The following ZSWIM5 variants were observed in gnomAD, a reference collection of about 807,000 sequenced individuals.
ZSWIM5 encodes the protein zinc finger SWIM domain-containing protein 5.
A neutral mutation model predicts 119.6 loss-of-function variants in ZSWIM5; 55 were observed. The ratio of observed to expected loss-of-function variants is 0.46; its 90% CI spans 0.37 to 0.58. The LOEUF (loss-of-function observed/expected upper bound fraction) is 0.58, where lower values mean the gene tolerates loss of function less well. ZSWIM5 is among the 20% of genes least tolerant of loss of function. ZSWIM5 has a pLI of 0.00. For missense variants in ZSWIM5, 1,193 were observed against 1,512.8 expected (o/e 0.79, Z 3.51); for synonymous variants, 537 against 606.9 (o/e 0.88, Z 1.69).
chr1:45,158,060 A>G (rs1009490235), intron 1 of ZSWIM5, among the ~76,000 whole-genome samples: 5 of 152,158 alleles, frequency 3.3e-5, no homozygotes, highest in African/African-American at 1.2e-4. Flanking sequence ...CTTAAATACC[A>G]ATTTCTTGTC....
At chr1:45,036,542 G>T (rs1421540933) in intron 8 of ZSWIM5, among the ~76,000 whole-genome samples, 2 of 151,576 alleles carry the variant, frequency 1.3e-5, no homozygotes, top group Non-Finnish European at 2.9e-5. Context: ...TTTAGTAGAG[G>T]GGCGGTTTCA....
intron 10 of ZSWIM5, among the ~76,000 whole-genome samples, chr1:45,035,401 A>G (rs1397907108): frequency 6.6e-6 from 1 of 152,060 alleles, no homozygotes; most frequent in Non-Finnish European, 1.5e-5. Context: ...CTGAATAACC[A>G]CTGAACAGGA....
intron 1 of ZSWIM5, among the ~76,000 whole-genome samples, chr1:45,161,786 T>C (rs1352963644): frequency 6.6e-6 from 1 of 152,222 alleles, no homozygotes; most frequent in Non-Finnish European, 1.5e-5. Flanking sequence ...ACCTTATGCC[T>C]ATAGGAACTT....
At chr1:45,064,109 C>T (rs1436387754) in intron 2 of ZSWIM5, among the ~76,000 whole-genome samples, 3 of 152,312 alleles carry the variant, frequency 2.0e-5, no homozygotes, top group South Asian at 2.1e-4. Flanking sequence ...GCCATATACT[C>T]CATTGCCACC....
chr1:45,161,413 A>C (rs1463137351), intron 1 of ZSWIM5, among the ~76,000 whole-genome samples: 4 of 152,190 alleles, frequency 2.6e-5, no homozygotes, highest in Non-Finnish European at 5.9e-5. Flanking sequence ...CCTTGCAAGC[A>C]TCTGTTATTT....
intron 1 of ZSWIM5, among the ~76,000 whole-genome samples, chr1:45,175,761 A>G (rs1645976487): frequency 6.6e-6 from 1 of 151,916 alleles, no homozygotes; most frequent in Admixed American, 6.6e-5. Context: ...CTTTAAAAAA[A>G]AAAAACCATT....
At chr1:45,080,529 C>T (rs775786418) in intron 2 of ZSWIM5, among the ~76,000 whole-genome samples, 5 of 152,160 alleles carry the variant, frequency 3.3e-5, no homozygotes, top group Non-Finnish European at 5.9e-5. Flanking sequence ...ACTGGTGATT[C>T]AAGACTGTTT....
At chr1:45,121,251 C>T (rs112187139) in intron 1 of ZSWIM5, among the ~76,000 whole-genome samples, 1 of 152,168 alleles carries the variant, frequency 6.6e-6, no homozygotes, top group African/African-American at 2.4e-5. Flanking sequence ...GCACCCGGCC[C>T]ACCTTTCGTC....
At chr1:45,151,780 A>G (rs1218945810) in intron 1 of ZSWIM5, among the ~76,000 whole-genome samples, 1 of 152,216 alleles carries the variant, frequency 6.6e-6, no homozygotes, top group East Asian at 1.9e-4. Flanking sequence ...CTGAGAAAAA[A>G]TTGACATGCA....
chr1:45,188,616 T>A (rs1646073372), intron 1 of ZSWIM5, among the ~76,000 whole-genome samples: 1 of 152,182 alleles, frequency 6.6e-6, no homozygotes, highest in Admixed American at 6.5e-5. Flanking sequence ...ACTAAAGATA[T>A]TAGGTGGGGA....
At chr1:45,124,020 GCAAAAA>G (rs1192052493) in intron 1 of ZSWIM5, among the ~76,000 whole-genome samples, 1 of 151,888 alleles carries the variant, frequency 6.6e-6, no homozygotes, top group African/African-American at 2.4e-5. Flanking sequence ...TCTATCTCCA[GCAAAAA>G]CAAAAACAAA....
chr1:45,155,954 G>C (rs1557782815), intron 1 of ZSWIM5, among the ~76,000 whole-genome samples: 1 of 151,922 alleles, frequency 6.6e-6, no homozygotes, highest in South Asian at 2.1e-4. Context: ...CAGGTGATGG[G>C]TACACCAACA....
At chr1:45,060,039 C>T in intron 3 of ZSWIM5, 60 bp downstream of exon 3, 2 of 1,590,618 alleles carry the variant, frequency 1.3e-6, no homozygotes, top group Non-Finnish European at 1.7e-6. Context: ...TGTGGTGTGC[C>T]CAGTCTGACT....
At chr1:45,123,227 CA>C (rs558043027) in intron 1 of ZSWIM5, among the ~76,000 whole-genome samples, 63 of 151,940 alleles carry the variant, frequency 4.1e-4, no homozygotes, top group South Asian at 3.1e-3. Flanking sequence ...CTCGATACAC[CA>C]AGAACAAAGA....
At position 45,088,744 on chromosome 1, in the gene ZSWIM5, C is replaced by T. The variant is rs958230972; in HGVS notation, c.596-507G>A. The stretch of plus-strand genomic sequence containing the variant: ...TCAAAGAAGACTAAGGAAAATAATT[C>T]TTCTTTAAAACATAAAATTTCACGT... On this transcript the variant is annotated intron_variant, in intron 1 of 13. Coordinates refer to ENST00000359600, the MANE Select transcript of ZSWIM5 (RefSeq NM_020883.2). This position sits in a 1 kb window ranked among gnomAD's most constrained non-coding sequence, Gnocchi z 4.2. Among the ~76,000 whole-genome samples, 1 of 152,032 alleles carries T rather than the reference C, an allele frequency of 6.6e-6. No homozygotes were observed. Among genetic ancestry groups the T allele is most frequent in the Non-Finnish European group, 1.5e-5 (1 of 68,000 alleles).
At chr1:45,157,417 C>T (rs1356586128) in intron 1 of ZSWIM5, among the ~76,000 whole-genome samples, 1 of 152,140 alleles carries the variant, frequency 6.6e-6, no homozygotes, top group Non-Finnish European at 1.5e-5. Context: ...TCAAGTGATC[C>T]TCCCACCTTG....
intron 11 of ZSWIM5, 77 bp from the exon 12 acceptor site, chr1:45,020,865 T>C: frequency 1.3e-6 from 2 of 1,486,678 alleles, no homozygotes; most frequent in Non-Finnish European, 1.8e-6. Context: ...TAGATACTCA[T>C]TGAAATGGCT....
chr1:45,029,887 A>G (rs969724833), intron 11 of ZSWIM5, among the ~76,000 whole-genome samples: 1 of 152,252 alleles, frequency 6.6e-6, no homozygotes, highest in Admixed American at 6.5e-5. Context: ...TAAATGTACA[A>G]CTATCTGTTT....
At chr1:45,121,402 G>A (rs1049027032) in intron 1 of ZSWIM5, among the ~76,000 whole-genome samples, 1 of 151,892 alleles carries the variant, frequency 6.6e-6, no homozygotes, top group Admixed American at 6.6e-5. Flanking sequence ...GTCTTAAATC[G>A]CTGTCTCCTT....
Sources: gnomAD v4.1 joint callset for allele counts (sites outside exome capture counted in the v4.1 genomes callset) on GRCh38, gnomAD v4.1.1 for gene constraint, Gnocchi (gnomAD v3.1) non-coding constraint, MANE v1.5 for transcripts, NCBI Gene and HGNC (gene_info 2026-07-23, HGNC 2026-07-21) for gene names.